The following SRGAP2B variants were observed in gnomAD, a reference collection of about 807,000 sequenced individuals.
SRGAP2B encodes the protein SLIT-ROBO Rho GTPase activating protein 2B.
In SRGAP2B, 9 loss-of-function variants were observed where a neutral mutation model predicts 22.2. That is an observed-to-expected ratio of 0.41 (90% CI 0.24 to 0.71). The LOEUF is 0.71. SRGAP2B is among the 30% of genes least tolerant of loss of function. The pLI is 0.35. For missense variants in SRGAP2B, 114 were observed against 235.8 expected (o/e 0.48, Z 3.38); for synonymous variants, 36 against 87.4 (o/e 0.41, Z 3.28).
At chr1:144,998,557 AGAAGAG>A (rs1305757940) in intron 2 of SRGAP2B, among the ~76,000 whole-genome samples, 3 of 150,138 alleles carry the variant, frequency 2.0e-5, no homozygotes, top group African/African-American at 5.0e-5. Context: ...GCCAAAAAGA[AGAAGAG>A]GAAGAGGAAG....
At chr1:145,068,217 A>C (rs1202578138) in intron 2 of SRGAP2B, among the ~76,000 whole-genome samples, 1 of 146,190 alleles carries the variant, frequency 6.8e-6, no homozygotes, top group African/African-American at 2.6e-5. Flanking sequence ...AAAAAAAAAA[A>C]AAAAAAAAAA....
At chr1:144,916,335 G>A (rs368674824) in intron 4 of SRGAP2B, among the ~76,000 whole-genome samples, 8 of 139,928 alleles carry the variant, frequency 5.7e-5, no homozygotes, top group South Asian at 2.3e-4. Flanking sequence ...ATTATAATAC[G>A]TTCTATTGAT....
rs61824974 is a variant in SRGAP2B, at chr1:145,082,236, G to C, written c.67+10599C>G. ...TCACAACGTATAAATAAGGTCAAGG[G>C]TATTTCATACCAAATGACTTGAAAA... On this transcript the variant is annotated intron_variant, in intron 2 of 9. Transcript: ENST00000612199. Among the ~76,000 whole-genome samples, 891 of 138,000 alleles carry C rather than the reference G, an allele frequency of 6.5e-3. 14 individuals carry two copies. Among genetic ancestry groups the C allele is most frequent in the African/African-American group, 0.027 (792 of 29,044 alleles). 90.5% of individuals were successfully genotyped at this position (138,000 alleles called of 152,430 possible).
rs1348513509 is a variant in SRGAP2B, at chr1:145,068,947, GTATGTGTA to G, written c.67+23880_67+23887del. On this transcript the variant is annotated intron_variant, in intron 2 of 9. Transcript: ENST00000612199. ...TGTGTGTGTGTGTGTGTGTGTGTGT[GTATGTGTA>G]TATATATATCTCTCTCTCAACATGT... is the stretch of plus-strand genomic sequence containing the variant. Among the ~76,000 whole-genome samples the G allele has an allele frequency of 2.1e-4, 18 of 86,350 alleles. 1 individual carries two copies. Among genetic ancestry groups the G allele is most frequent in the Non-Finnish European group, 4.0e-4 (15 of 37,838 alleles). The allele number at this position is 86,350 out of a possible 152,430, so 56.6% of individuals were successfully genotyped here.
chr1:144,967,456 A>G (rs1483850595), intron 3 of SRGAP2B, among the ~76,000 whole-genome samples: 1 of 135,946 alleles, frequency 7.4e-6, no homozygotes, highest in East Asian at 2.2e-4. Flanking sequence ...GAACAAAGAC[A>G]CAACATACCA....
intron 3 of SRGAP2B, among the ~76,000 whole-genome samples, chr1:144,986,494 AC>A (rs1206188344): frequency 3.4e-5 from 5 of 149,146 alleles, no homozygotes; most frequent in Non-Finnish European, 7.4e-5. Context: ...CACTCCAGAG[AC>A]CCAGGAAACC....
intron 2 of SRGAP2B, among the ~76,000 whole-genome samples, chr1:145,025,945 G>A (rs1422724697): frequency 3.3e-4 from 49 of 147,930 alleles, no homozygotes; most frequent in Middle Eastern, 3.7e-3. Context: ...CACGCCTTGG[G>A]GAGGGCAGGG....
intron 3 of SRGAP2B, among the ~76,000 whole-genome samples, chr1:144,991,293 C>T (rs1553617092): frequency 6.8e-6 from 1 of 147,140 alleles, no homozygotes; most frequent in African/African-American, 2.6e-5. Context: ...ATACACCAAT[C>T]GGCACTCCAT....
chr1:144,943,393 CAGT>C (rs1457585561), intron 4 of SRGAP2B, among the ~76,000 whole-genome samples: 1 of 151,794 alleles, frequency 6.6e-6, no homozygotes, highest in Non-Finnish European at 1.5e-5. Flanking sequence ...TTGACTAAAA[CAGT>C]AGATTACAAA....
At position 144,956,495 on chromosome 1, in the gene SRGAP2B, T is replaced by A. The variant is rs374109637; in HGVS notation, c.261-894A>T. Among the ~76,000 whole-genome samples, 326 of 110,332 alleles carry A rather than the reference T, an allele frequency of 3.0e-3. 1 individual carries two copies. The highest frequency in any genetic ancestry group is 8.8e-3 in the Middle Eastern group (2 of 228). 72.4% of individuals were successfully genotyped at this position (110,332 alleles called of 152,430 possible). On this transcript the variant is annotated intron_variant, in intron 3 of 9. Coordinates refer to ENST00000612199, the Ensembl canonical transcript of SRGAP2B. ...CAAAGTCTCACTCTGTCACCCAGGC[T>A]GGAGTACAGTGGCACAATCTTGGCT...
At chr1:144,945,115 G>GA (rs1666398879) in intron 4 of SRGAP2B, among the ~76,000 whole-genome samples, 1 of 141,608 alleles carries the variant, frequency 7.1e-6, no homozygotes, top group South Asian at 2.3e-4. Flanking sequence ...ACAAAAATTT[G>GA]AAAAAAATGG....
chr1:145,044,565 T>C (rs1649526163), intron 2 of SRGAP2B, among the ~76,000 whole-genome samples: 1 of 125,970 alleles, frequency 7.9e-6, no homozygotes, highest in African/African-American at 3.2e-5. Context: ...TCTGGCAAAA[T>C]TGAGATAACT....
chr1:144,955,370 A>G, intron 4 of SRGAP2B, 69 bp downstream of exon 4: 1 of 884,832 alleles, frequency 1.1e-6, no homozygotes, highest in Non-Finnish European at 1.8e-6. Flanking sequence ...TCAACATAAT[A>G]TCTAATAGGA....
At chr1:145,010,779 CCCT>C (rs1671996079) in intron 2 of SRGAP2B, among the ~76,000 whole-genome samples, 1 of 149,342 alleles carries the variant, frequency 6.7e-6, no homozygotes, top group Non-Finnish European at 1.5e-5. Flanking sequence ...CAGAGCCTTC[CCCT>C]CCTACCTGCC....
chr1:144,917,550 G>A (rs587771968), intron 4 of SRGAP2B, among the ~76,000 whole-genome samples: 2 of 141,906 alleles, frequency 1.4e-5, no homozygotes, highest in East Asian at 4.0e-4. Flanking sequence ...GGGGATGGGG[G>A]AAGAAGAGGA....
At chr1:145,020,641 GA>G (rs1672734259) in intron 2 of SRGAP2B, among the ~76,000 whole-genome samples, 1 of 147,516 alleles carries the variant, frequency 6.8e-6, no homozygotes, top group South Asian at 2.1e-4. Context: ...TGTATTGACT[GA>G]AATAAAGCAT....
At chr1:145,073,154 T>C (rs1652271319) in intron 2 of SRGAP2B, among the ~76,000 whole-genome samples, 1 of 150,476 alleles carries the variant, frequency 6.6e-6, no homozygotes, top group Admixed American at 6.6e-5. Flanking sequence ...AGAATATTTC[T>C]GAAAGTGAAA....
chr1:144,911,802 G>A (rs1439677323), intron 5 of SRGAP2B, among the ~76,000 whole-genome samples: 2 of 144,948 alleles, frequency 1.4e-5, no homozygotes, highest in East Asian at 4.1e-4. Context: ...TATATTTTTA[G>A]TAGAGATGGG....
intron 3 of SRGAP2B, among the ~76,000 whole-genome samples, chr1:144,988,999 C>CTTTTTTTTTTTTTTTTT (rs3062880): frequency 1.5e-3 from 83 of 55,102 alleles, no homozygotes; most frequent in Non-Finnish European, 1.8e-3. Flanking sequence ...ACTCCCCCCA[C>CTTTTTTTTTTTTTTTTT]TTTTTTTTTT....
Sources: gnomAD v4.1 joint callset for allele counts (sites outside exome capture counted in the v4.1 genomes callset) on GRCh38, gnomAD v4.1.1 for gene constraint, MANE v1.5 for transcripts, NCBI Gene and HGNC (gene_info 2026-07-23, HGNC 2026-07-21) for gene names.